DYNC1I1: variants seen among roughly 807,000 people sequenced by gnomAD.
DYNC1I1 encodes the protein cytoplasmic dynein 1 intermediate chain 1.
A neutral mutation model predicts 86.6 loss-of-function variants in DYNC1I1; 43 were observed. The ratio of observed to expected loss-of-function variants is 0.50; its 90% CI spans 0.39 to 0.64. DYNC1I1 has a LOEUF of 0.64. DYNC1I1 is among the 30% of genes least tolerant of loss of function. DYNC1I1 has a pLI of 0.00. For synonymous variants in DYNC1I1, 262 were observed against 283.7 expected (o/e 0.92, Z 0.77); for missense variants, 604 against 788.8 (o/e 0.77, Z 2.81).
At chr7:96,010,246 C>T (rs1047299107) in intron 10 of DYNC1I1, among the ~76,000 whole-genome samples, 1 of 152,132 alleles carries the variant, frequency 6.6e-6, no homozygotes, top group Non-Finnish European at 1.5e-5. Flanking sequence ...CGGAACACCC[C>T]AGCCGCCGCA....
rs17167159 is a variant in DYNC1I1 at position 95,795,942 on chromosome 7, G to A, written c.-9-8779G>A. On this transcript the variant is annotated intron_variant, in intron 1 of 16. Transcript: ENST00000447467. Reference sequence around the variant, plus strand: ...TAAAAATGCCTCTGTGAACAAAGATGATGGTTTGCAAACTCCTCAGTGATA... The same window carrying A: ...TAAAAATGCCTCTGTGAACAAAGATAATGGTTTGCAAACTCCTCAGTGATA... Among the ~76,000 whole-genome samples the A allele has an allele frequency of 5.0e-4, 76 of 151,044 alleles. No homozygotes were observed. In the East Asian group the frequency reaches 8.1e-3, roughly 16 times the overall value.
chr7:96,025,845 G>GC (rs891821655), intron 10 of DYNC1I1, among the ~76,000 whole-genome samples: 1 of 151,702 alleles, frequency 6.6e-6, no homozygotes, highest in African/African-American at 2.4e-5. Context: ...GCTTGCGGGG[G>GC]GGGGATATTT....
intron 6 of DYNC1I1, among the ~76,000 whole-genome samples, chr7:95,956,491 G>T (rs369342596): frequency 9.2e-5 from 14 of 151,428 alleles, no homozygotes; most frequent in African/African-American, 3.4e-4. Context: ...CCATTAACCG[G>T]TCATCTACAT....
chr7:96,038,608 G>A (rs1788941662), intron 13 of DYNC1I1, among the ~76,000 whole-genome samples: 1 of 152,110 alleles, frequency 6.6e-6, no homozygotes, highest in Non-Finnish European at 1.5e-5. Flanking sequence ...CAGACACTTG[G>A]CAACAAGAAA....
intron 10 of DYNC1I1, among the ~76,000 whole-genome samples, chr7:96,021,114 T>C (rs529817695): frequency 6.6e-6 from 1 of 152,234 alleles, no homozygotes; most frequent in East Asian, 1.9e-4. Context: ...CAAAACAATG[T>C]GAATGTGTTT....
At chr7:95,818,152 G>A (rs1000311188) in intron 4 of DYNC1I1, among the ~76,000 whole-genome samples, 3 of 151,160 alleles carry the variant, frequency 2.0e-5, no homozygotes, top group African/African-American at 7.3e-5. Context: ...GATTTCTGAT[G>A]TTTGTCTTTG....
At chr7:95,820,232 C>T (rs538306005) in intron 4 of DYNC1I1, among the ~76,000 whole-genome samples, 1 of 152,194 alleles carries the variant, frequency 6.6e-6, no homozygotes, top group East Asian at 1.9e-4. Flanking sequence ...ATCATCATTG[C>T]CAGTCCTAAG....
At chr7:95,811,266 C>T (rs1794824566) in intron 3 of DYNC1I1, among the ~76,000 whole-genome samples, 1 of 152,050 alleles carries the variant, frequency 6.6e-6, no homozygotes, top group Non-Finnish European at 1.5e-5. Flanking sequence ...GTTTTCCATA[C>T]ATTTAAGATT....
intron 1 of DYNC1I1, among the ~76,000 whole-genome samples, chr7:95,802,213 C>T (rs1318864514): frequency 6.6e-6 from 1 of 152,094 alleles, no homozygotes; most frequent in African/African-American, 2.4e-5. Context: ...CACCATTTTC[C>T]TCTTTGCCTT....
At position 96,023,149 on chromosome 7, in the gene DYNC1I1, T is replaced by C. The variant is rs138550362; in HGVS notation, c.970-5026T>C. On this transcript the variant is annotated intron_variant, in intron 10 of 16. Coordinates refer to ENST00000447467, the MANE Select transcript of DYNC1I1 (RefSeq NM_001135556.2). Reference sequence around the variant, plus strand: ...AGTAGCTAGAAGCATCTGATCTGTCTGCCTCAAAGCCCTCTGACAGTGAAG... The same window carrying C: ...AGTAGCTAGAAGCATCTGATCTGTCCGCCTCAAAGCCCTCTGACAGTGAAG... Among the ~76,000 whole-genome samples the C allele has an allele frequency of 4.2e-3, 645 of 152,260 alleles. 14 individuals carry two copies. Among genetic ancestry groups the C allele is most frequent in the Admixed American group, 0.032 (494 of 15,290 alleles).
chr7:95,931,305 A>C (rs1278478103), intron 6 of DYNC1I1, among the ~76,000 whole-genome samples: 1 of 152,042 alleles, frequency 6.6e-6, no homozygotes, highest in Non-Finnish European at 1.5e-5. Flanking sequence ...TTGCACCACC[A>C]CACCCAGCTA....
At chr7:96,053,163 G>A (rs1789457271) in intron 14 of DYNC1I1, among the ~76,000 whole-genome samples, 1 of 152,080 alleles carries the variant, frequency 6.6e-6, no homozygotes, top group African/African-American at 2.4e-5. Flanking sequence ...AGGCTGCCCC[G>A]CCCAATTCAC....
chr7:95,941,907 G>A (rs1433441826), intron 6 of DYNC1I1, among the ~76,000 whole-genome samples: 1 of 152,158 alleles, frequency 6.6e-6, no homozygotes, highest in Non-Finnish European at 1.5e-5. Context: ...CTCATGCTGG[G>A]AGCTGTAGAC....
intron 14 of DYNC1I1, among the ~76,000 whole-genome samples, chr7:96,046,006 C>A (rs1430265054): frequency 6.6e-6 from 1 of 152,108 alleles, no homozygotes; most frequent in East Asian, 1.9e-4. Context: ...CATTACATTG[C>A]CCTCCCTCTA....
At chr7:96,034,426 G>A (rs963403243) in intron 12 of DYNC1I1, among the ~76,000 whole-genome samples, 1 of 152,150 alleles carries the variant, frequency 6.6e-6, no homozygotes, top group African/African-American at 2.4e-5. Context: ...AAGTCCGTTT[G>A]TATTAGTTTT....
intron 6 of DYNC1I1, among the ~76,000 whole-genome samples, chr7:95,887,875 C>A (rs6957741): frequency 0.019 from 2,955 of 152,204 alleles, 50 homozygotes; most frequent in East Asian, 0.028. Flanking sequence ...TAGCTTTAAT[C>A]AGACTCTCAA....
At chr7:96,064,136 G>A (rs557898132) in intron 14 of DYNC1I1, among the ~76,000 whole-genome samples, 10 of 152,138 alleles carry the variant, frequency 6.6e-5, no homozygotes, top group African/African-American at 2.4e-4. Flanking sequence ...TTTAGAGTCA[G>A]TGCTTGTTTC....
chr7:96,013,221 G>C (rs1475160588), intron 10 of DYNC1I1, among the ~76,000 whole-genome samples: 2 of 152,162 alleles, frequency 1.3e-5, no homozygotes, highest in South Asian at 2.1e-4. Context: ...TGATGTGAGA[G>C]AGAGACTTGA....
chr7:95,789,663 C>T (rs1794241361), intron 1 of DYNC1I1, among the ~76,000 whole-genome samples: 1 of 152,080 alleles, frequency 6.6e-6, no homozygotes, highest in Non-Finnish European at 1.5e-5. Flanking sequence ...GGTAAGTCTC[C>T]TGTGGTAGTG....
Sources: allele counts gnomAD v4.1 joint callset (sites outside exome capture counted in the v4.1 genomes callset), GRCh38; gene constraint gnomAD v4.1.1; transcripts MANE v1.5; gene names NCBI Gene and HGNC (gene_info 2026-07-23, HGNC 2026-07-21).